Variants in SHISA9 observed in about 807,000 individuals in gnomAD.
SHISA9 encodes the protein protein shisa-9.
SHISA9 carries 13 observed loss-of-function variants against 38.0 expected under a neutral mutation model. The ratio of observed to expected loss-of-function variants is 0.34; its 90% CI spans 0.22 to 0.54. The LOEUF is 0.54. Ranked by LOEUF, SHISA9 falls within the 20% of genes least tolerant of loss-of-function variation. The pLI, the probability that SHISA9 is intolerant of heterozygous loss-of-function variation, is 0.91. For missense variants in SHISA9, 538 were observed against 575.8 expected (o/e 0.93, Z 0.67); for synonymous variants, 275 against 242.0 (o/e 1.14, Z -1.27).
At chr16:13,267,895 T>A in the SHISA9 span, among the ~76,000 whole-genome samples, 1 of 148,232 alleles carries the variant, frequency 6.7e-6, no homozygotes, top group Non-Finnish European at 1.5e-5. Flanking sequence ...TTTTTTTGGC[T>A]CAGCACCTGG....
At chr16:13,515,324 G>A in the SHISA9 span, among the ~76,000 whole-genome samples, 1 of 152,064 alleles carries the variant, frequency 6.6e-6, no homozygotes, top group Non-Finnish European at 1.5e-5. Flanking sequence ...AAGAAACATG[G>A]TCTCAGAAAC....
At chr16:13,088,046 C>T (rs1481966696) in intron 2 of SHISA9, among the ~76,000 whole-genome samples, 1 of 152,148 alleles carries the variant, frequency 6.6e-6, no homozygotes, top group Non-Finnish European at 1.5e-5. Context: ...ATATGGCTAG[C>T]CAGTTTTCGC....
At chr16:13,089,094 G>C (rs1418257876) in intron 2 of SHISA9, among the ~76,000 whole-genome samples, 1 of 152,164 alleles carries the variant, frequency 6.6e-6, no homozygotes, top group South Asian at 2.1e-4. Flanking sequence ...TGGTTCTGTT[G>C]ATATGATGGA....
In SHISA9 at chr16:13,049,202, G is replaced by A. The variant is rs867595534; in HGVS notation, c.691+132387G>A. On this transcript the variant is annotated intron_variant, in intron 2 of 4. Coordinates refer to ENST00000558583, the MANE Select transcript of SHISA9 (RefSeq NM_001145204.3). ...TGTGTGTGTGTGTGTGTGTGTGTGT[G>A]TGTATGTGTATGTGTCTGTGTGTGT... Among the ~76,000 whole-genome samples the A allele has an allele frequency of 3.5e-5, 5 of 142,044 alleles. No homozygotes were observed. In the South Asian group the frequency reaches 1.2e-3, roughly 33 times the overall value. The allele number at this position is 142,044 out of a possible 152,430, so 93.2% of individuals were successfully genotyped here. A position where few individuals can be genotyped will look rare whatever the true frequency, so the allele number is the denominator to read the frequency against.
At chr16:13,295,831 G>C in the SHISA9 span, among the ~76,000 whole-genome samples, 2 of 152,144 alleles carry the variant, frequency 1.3e-5, no homozygotes, top group Non-Finnish European at 2.9e-5. Context: ...GTGTGCCAAA[G>C]AGAAAATTTG....
the SHISA9 span, among the ~76,000 whole-genome samples, chr16:13,316,413 T>C: frequency 6.6e-6 from 1 of 152,204 alleles, no homozygotes; most frequent in East Asian, 1.9e-4. Flanking sequence ...TTGTTCTTTA[T>C]TGAGTCCAAG....
chr16:12,923,564 G>C (rs1451848893), intron 2 of SHISA9, among the ~76,000 whole-genome samples: 1 of 152,030 alleles, frequency 6.6e-6, no homozygotes, highest in African/African-American at 2.4e-5. Flanking sequence ...AGACGGTAAT[G>C]AAACAGTCGG....
chr16:13,032,577 G>A (rs551744742), intron 2 of SHISA9, among the ~76,000 whole-genome samples: 2 of 152,294 alleles, frequency 1.3e-5, no homozygotes, highest in South Asian at 4.1e-4. Context: ...GTAATTTTTA[G>A]AAATGTGTAT....
intron 2 of SHISA9, among the ~76,000 whole-genome samples, chr16:13,113,622 G>T (rs1355193810): frequency 6.6e-6 from 1 of 152,144 alleles, no homozygotes; most frequent in African/African-American, 2.4e-5. Context: ...CAATACAAAG[G>T]AATTTGGGCA....
intron 2 of SHISA9, among the ~76,000 whole-genome samples, chr16:13,140,030 G>A (rs376788478): frequency 5.7e-4 from 86 of 151,230 alleles, no homozygotes; most frequent in African/African-American, 1.8e-3. Flanking sequence ...CTTGTTTTGC[G>A]AGTAGATAGT....
At chr16:12,970,259 G>A (rs1456759321) in intron 2 of SHISA9, among the ~76,000 whole-genome samples, 8 of 142,484 alleles carry the variant, frequency 5.6e-5, no homozygotes, top group African/African-American at 2.1e-4. Flanking sequence ...GTATGGGCTG[G>A]AAAAACTGGA....
intron 2 of SHISA9, among the ~76,000 whole-genome samples, chr16:13,109,514 A>T (rs1371384070): frequency 6.6e-6 from 1 of 152,212 alleles, no homozygotes; most frequent in Non-Finnish European, 1.5e-5. Flanking sequence ...TAATGACTTA[A>T]AAACCCCCAA....
chr16:13,211,163 G>A (rs1402162558), intron 3 of SHISA9, among the ~76,000 whole-genome samples: 1 of 152,102 alleles, frequency 6.6e-6, no homozygotes, highest in Non-Finnish European at 1.5e-5. Context: ...CAGGTGTGGT[G>A]CTGCTCGCCT....
chr16:13,019,005 T>C (rs2072789873), intron 2 of SHISA9, among the ~76,000 whole-genome samples: 1 of 152,112 alleles, frequency 6.6e-6, no homozygotes, highest in South Asian at 2.1e-4. Flanking sequence ...TATTTTCTTT[T>C]TTTTCTTTTT....
At chr16:13,415,912 C>T in the SHISA9 span, among the ~76,000 whole-genome samples, 1 of 151,432 alleles carries the variant, frequency 6.6e-6, no homozygotes, top group African/African-American at 2.4e-5. Context: ...ATATGAAATT[C>T]AAAAACAGGT....
chr16:13,290,449 A>G, the SHISA9 span, among the ~76,000 whole-genome samples: 11 of 151,928 alleles, frequency 7.2e-5, no homozygotes, highest in Admixed American at 3.9e-4. Flanking sequence ...GGAGGATGGA[A>G]GCTGATTTCA....
chr16:13,303,255 GA>G, the SHISA9 span, among the ~76,000 whole-genome samples: 1 of 151,964 alleles, frequency 6.6e-6, no homozygotes, highest in African/African-American at 2.4e-5. Context: ...AACAGATACT[GA>G]AAAAAATACA....
Position 13,237,983 on chromosome 16 carries a change from T to A in SHISA9, c.*2574T>A, listed in dbSNP as rs1033529528. 1.3e-5 allele frequency: 2 copies of A among 151,990 alleles called. No individual in the cohort carries two copies. The highest frequency in any genetic ancestry group is 2.9e-5 in the Non-Finnish European group (2 of 67,984). 9.4% of individuals were successfully genotyped at this position (151,990 alleles called of 1,614,324 possible). On this transcript the variant is annotated 3_prime_UTR_variant, in exon 5 of 5. Transcript: ENST00000558583. ...AAACTTCCTGTCTTCATCACAAATT[T>A]AAAAAAAATCATCAGTTGCCATAAA...
the SHISA9 span, among the ~76,000 whole-genome samples, chr16:13,508,626 A>G: frequency 6.6e-6 from 1 of 152,204 alleles, no homozygotes; most frequent in East Asian, 1.9e-4. Context: ...ATATAAATTA[A>G]TGGGAATGGT....
Sources: gnomAD v4.1 joint callset for allele counts (sites outside exome capture counted in the v4.1 genomes callset) on GRCh38, gnomAD v4.1.1 for gene constraint, MANE v1.5 for transcripts, NCBI Gene and HGNC (gene_info 2026-07-23, HGNC 2026-07-21) for gene names.